Variants in SRGAP3 observed in about 807,000 individuals in gnomAD.
The protein encoded by SRGAP3 is SLIT-ROBO Rho GTPase activating protein 3.
SRGAP3 carries 39 observed loss-of-function variants against 121.1 expected under a neutral mutation model. The ratio of observed to expected loss-of-function variants is 0.32; its 90% CI spans 0.25 to 0.42. The LOEUF is 0.42. Among genes scored for constraint, SRGAP3 ranks in the 10% least tolerant of loss-of-function variants. The probability of loss-of-function intolerance (pLI) is 1.00; values close to 1 mark genes in which losing one functional copy is unlikely to be tolerated. For synonymous variants in SRGAP3, 601 were observed against 570.0 expected (o/e 1.05, Z -0.77); for missense variants, 1,213 against 1,470.6 (o/e 0.82, Z 2.86).
chr3:9,155,001 TTTTG>T (rs1199776252), intron 1 of SRGAP3, among the ~76,000 whole-genome samples: 1 of 148,988 alleles, frequency 6.7e-6, no homozygotes, highest in Non-Finnish European at 1.5e-5. Flanking sequence ...GTTTTTTGTT[TTTTG>T]TTTTTTTTTT....
intron 1 of SRGAP3, chr3:9,348,316 G>C (rs1955943582): frequency 2.6e-6 from 1 of 390,364 alleles, no homozygotes; most frequent in Non-Finnish European, 4.9e-6. Flanking sequence ...ACAAGAAAGA[G>C]ACAAAGAGTG....
rs1266903030 is a variant in SRGAP3 at position 9,313,189 on chromosome 3, T to C, written n.442+12821A>G. On this transcript the variant is annotated intron_variant and non_coding_transcript_variant, in intron 3 of 3. Transcript: ENST00000490889. The stretch of plus-strand genomic sequence containing the variant: ...ACACTAAGCCCCCGCCTAAGAGCCT[T>C]TGCACTTGCTGTTGCATTCACCTGG... 5.3e-5 allele frequency among the ~76,000 whole-genome samples: 8 copies of C among 152,244 alleles called. No homozygotes were observed. In the East Asian group the frequency reaches 1.4e-3, roughly 26 times the overall value.
chr3:9,097,720 T>C lies in SRGAP3; in HGVS notation c.423+6960A>G, dbSNP rs1024639848. ...CCAATGGACTCCCTCAGATGTCAGC[T>C]GCTTTGGAACTGCCTTGGCTGCACA... On this transcript the variant is annotated intron_variant, in intron 3 of 21. Transcript: ENST00000383836. 1.1e-4 allele frequency among the ~76,000 whole-genome samples: 17 copies of C among 152,206 alleles called. 1 individual carries two copies.
At chr3:9,333,280 ATTCTT>A (rs1955639898) in intron 1 of SRGAP3, among the ~76,000 whole-genome samples, 1 of 152,220 alleles carries the variant, frequency 6.6e-6, no homozygotes, top group Admixed American at 6.5e-5. Context: ...GATGACAAGA[ATTCTT>A]TTCAAGAGAA....
chr3:8,997,905 G>T (rs1310053902), intron 18 of SRGAP3, among the ~76,000 whole-genome samples: 1 of 150,102 alleles, frequency 6.7e-6, no homozygotes, highest in Non-Finnish European at 1.5e-5. Context: ...TCTTGAGACA[G>T]GGTCTCACTC....
At chr3:9,214,787 G>GT (rs1268073272) in intron 1 of SRGAP3, among the ~76,000 whole-genome samples, 1 of 152,180 alleles carries the variant, frequency 6.6e-6, no homozygotes, top group African/African-American at 2.4e-5. Flanking sequence ...GAAAAAGGCA[G>GT]TATCTCTATC....
In SRGAP3 at chr3:9,109,881, A is replaced by AG. The variant is rs939830363; in HGVS notation, c.261-5040dup. ...GCAGGAGAGGGAGGAGCAGGTAGGG[A>AG]GGGGGCCCAAGCATGGTGTTTTGGG... On this transcript the variant is annotated intron_variant, in intron 2 of 21. Coordinates refer to ENST00000383836, the MANE Select transcript of SRGAP3 (RefSeq NM_014850.4). The surrounding 1 kb of genome is among the most constrained non-coding windows in gnomAD (Gnocchi z 4.4). 6.6e-6 allele frequency among the ~76,000 whole-genome samples: 1 copy of AG among 151,934 alleles called. No individual in the cohort carries two copies. The highest frequency in any genetic ancestry group is 2.4e-5 in the African/African-American group (1 of 41,428).
intron 3 of SRGAP3, among the ~76,000 whole-genome samples, chr3:9,321,012 A>G (rs1431798562): frequency 1.3e-5 from 2 of 151,898 alleles, no homozygotes. Context: ...ACTTACTTCT[A>G]AAAAATAGAA....
intron 18 of SRGAP3, chr3:9,007,499 A>G (rs1388963212): frequency 6.6e-6 from 1 of 152,222 alleles, no homozygotes; most frequent in East Asian, 1.9e-4. Context: ...GGAAACAGGT[A>G]AACAAATCAG....
At chr3:9,119,040 G>A (rs1948906884) in intron 2 of SRGAP3, among the ~76,000 whole-genome samples, 1 of 152,182 alleles carries the variant, frequency 6.6e-6, no homozygotes, top group Non-Finnish European at 1.5e-5. Flanking sequence ...AGAGGTGCTA[G>A]GGACCCCGGG....
intron 1 of SRGAP3, among the ~76,000 whole-genome samples, chr3:9,334,387 C>T (rs1047834241): frequency 4.6e-5 from 7 of 151,306 alleles, no homozygotes; most frequent in African/African-American, 1.2e-4. Context: ...GAGAGACACA[C>T]GAAAAATATA....
chr3:9,226,701 T>G (rs1263961199), intron 1 of SRGAP3, among the ~76,000 whole-genome samples: 1 of 152,222 alleles, frequency 6.6e-6, no homozygotes, highest in East Asian at 1.9e-4. Flanking sequence ...GGCAAGACTT[T>G]ACACTTTTTC....
chr3:8,985,628 A>C lies in SRGAP3; in HGVS notation c.3191T>G (p.Val1064Gly). 6.3e-7 allele frequency: 1 copy of C among 1,594,972 alleles called. No homozygotes were observed. Among genetic ancestry groups the C allele is most frequent in the Non-Finnish European group, 8.5e-7 (1 of 1,177,692 alleles). Residue 1064 changes from valine to glycine, a missense_variant, in exon 22 of 22, where the codon GTC becomes GGC. This residue lies in a region of SRGAP3 where 420 missense variants were observed against 437.7 expected (regional missense o/e 0.96). Transcript: ENST00000383836. This position sits in a 1 kb window ranked among gnomAD's most constrained non-coding sequence, Gnocchi z 5.1. ...PPPMRPVRPV[V>G]QHRSSSSSSS... ...GCTGCTGCTGCTGGACCGGTGCTGG[A>C]CCACCGGCCGCACGGGCCGCATGGG... is the stretch of plus-strand genomic sequence containing the variant.
rs1326377291 is a variant in SRGAP3, at chr3:8,985,944, G to C, written c.2887-12C>G. ...GTCTTCTCGATGTCCTGGGGACAGA[G>C]GGAGCTGGGGTCAGCACAGTCTGGA... is the stretch of plus-strand genomic sequence containing the variant. On this transcript the variant is annotated splice_polypyrimidine_tract_variant and intron_variant, in intron 21 of 21. Coordinates refer to ENST00000383836, the MANE Select transcript of SRGAP3 (RefSeq NM_014850.4). The surrounding 1 kb of genome is among the most constrained non-coding windows in gnomAD (Gnocchi z 5.1). The C allele has an allele frequency of 1.3e-6, 2 of 1,599,642 alleles. No individual in the cohort carries two copies. The highest frequency in any genetic ancestry group is 1.3e-5 in the African/African-American group (1 of 75,028).
At position 9,052,703 on chromosome 3, in the gene SRGAP3, G is replaced by A. The variant is rs112530215; in HGVS notation, c.1323+324C>T. The stretch of plus-strand genomic sequence containing the variant: ...TGATAATCTATATACATAATTTCAA[G>A]GTTGTTCCTTGGGACTTGTACCTGA... On this transcript the variant is annotated intron_variant, in intron 9 of 21. Transcript: ENST00000383836. Among the ~76,000 whole-genome samples, 742 of 152,310 alleles carry A rather than the reference G, an allele frequency of 4.9e-3. 8 individuals carry two copies. Among genetic ancestry groups the A allele is most frequent in the African/African-American group, 0.017 (696 of 41,552 alleles).
intron 3 of SRGAP3, among the ~76,000 whole-genome samples, chr3:9,317,768 C>T (rs1275026312): frequency 6.6e-6 from 1 of 152,200 alleles, no homozygotes; most frequent in African/African-American, 2.4e-5. Flanking sequence ...AACAAGTGCC[C>T]TCTGATGCTG....
At chr3:9,182,398 A>G (rs1432400900) in intron 1 of SRGAP3, among the ~76,000 whole-genome samples, 1 of 152,002 alleles carries the variant, frequency 6.6e-6, no homozygotes, top group African/African-American at 2.4e-5. Flanking sequence ...CACAGTGGGG[A>G]CACAGCCATG....
At chr3:9,176,246 A>G (rs1224308491) in intron 1 of SRGAP3, among the ~76,000 whole-genome samples, 2 of 152,102 alleles carry the variant, frequency 1.3e-5, no homozygotes, top group Non-Finnish European at 2.9e-5. Context: ...ATCCCTCCAC[A>G]TGTTCATTTC....
intron 4 of SRGAP3, among the ~76,000 whole-genome samples, chr3:9,069,723 C>T (rs1003106980): frequency 1.3e-5 from 2 of 152,246 alleles, no homozygotes; most frequent in East Asian, 1.9e-4. Context: ...CCAAGGCGGG[C>T]AGATCACAAG....
Sources: gnomAD v4.1 joint callset for allele counts (sites outside exome capture counted in the v4.1 genomes callset) on GRCh38, gnomAD v4.1.1 for gene constraint, gnomAD v4.1.1 regional missense constraint, Gnocchi (gnomAD v3.1) non-coding constraint, MANE v1.5 for transcripts, NCBI Gene and HGNC (gene_info 2026-07-23, HGNC 2026-07-21) for gene names.